GET1: variants seen among roughly 807,000 people sequenced by gnomAD.
GET1 encodes congenital heart disease 5 protein.
Under a neutral mutation model 22.6 loss-of-function variants are expected in GET1, and 20 were observed. That is an observed-to-expected ratio of 0.89 (90% CI 0.62 to 1.29). The LOEUF (loss-of-function observed/expected upper bound fraction) is 1.29, where lower values mean the gene tolerates loss of function less well. GET1 is among the 50% of genes most tolerant of loss of function. The pLI is 0.00. For synonymous variants in GET1, 92 were observed against 83.8 expected (o/e 1.10, Z -0.53); for missense variants, 209 against 219.9 (o/e 0.95, Z 0.31).
intron 1 of GET1, chr21:39,422,975 C>T: frequency 6.2e-7 from 1 of 1,612,654 alleles, no homozygotes; most frequent in Non-Finnish European, 8.5e-7. Context: ...GAAATACAGA[C>T]CTGTATTTTT....
At chr21:39,391,445 TG>T in intron 2 of GET1, 1 of 332,340 alleles carries the variant, frequency 3.0e-6, no homozygotes, top group South Asian at 2.6e-5. Flanking sequence ...CTGTGCACAC[TG>T]GGAAATAAGG....
chr21:39,415,829 A>G (rs1165009730), intron 1 of GET1, among the ~76,000 whole-genome samples: 1 of 152,180 alleles, frequency 6.6e-6, no homozygotes, highest in Non-Finnish European at 1.5e-5. Flanking sequence ...AGTTTCCCAC[A>G]GTCTCATGCT....
downstream of GET1, chr21:39,409,876 G>T: frequency 1.5e-6 from 1 of 669,476 alleles, no homozygotes; most frequent in Non-Finnish European, 2.5e-6. This position sits in a 1 kb window ranked among gnomAD's most constrained non-coding sequence, Gnocchi z 4.2. Flanking sequence ...TTACAGGTGC[G>T]AGCTGCCATG....
At chr21:39,423,371 G>A in intron 1 of GET1, 1 of 1,612,208 alleles carries the variant, frequency 6.2e-7, no homozygotes, top group Non-Finnish European at 8.5e-7. Context: ...ATTTTATGAA[G>A]CCTTGCTGAG....
In GET1 at chr21:39,389,062, G is replaced by GCCTT. The variant is rs533956805; in HGVS notation, c.103-1620_103-1617dup. 3.7e-4 allele frequency among the ~76,000 whole-genome samples: 57 copies of GCCTT among 152,056 alleles called. 1 individual carries two copies. The highest frequency in any genetic ancestry group is 2.5e-3 in the South Asian group (12 of 4,804). Reference sequence around the variant, plus strand: ...TTCTCTCCGAGACGCCTGCCTGCCTGCCTTCCTTCCTTCCTTCCTCCCTCC... The same window carrying GCCTT: ...TTCTCTCCGAGACGCCTGCCTGCCTGCCTTCCTTCCTTCCTTCCTTCCTCCCTCC... On this transcript the variant is annotated intron_variant, in intron 1 of 4. Transcript: ENST00000649170.
At chr21:39,414,746 G>C (rs867863718) in intron 1 of GET1, among the ~76,000 whole-genome samples, 5,919 of 135,214 alleles carry the variant, frequency 0.044, 110 homozygotes, top group African/African-American at 0.06. Context: ...CTCTCTCTGT[G>C]TGTGTGTGTG....
downstream of GET1, among the ~76,000 whole-genome samples, chr21:39,407,246 G>C (rs113222094): frequency 2.0e-5 from 3 of 152,062 alleles, no homozygotes; most frequent in Admixed American, 2.0e-4. Context: ...AAACAAAACA[G>C]AACAGAAGAA....
At chr21:39,417,463 C>T (rs2041418744) in intron 1 of GET1, among the ~76,000 whole-genome samples, 1 of 152,150 alleles carries the variant, frequency 6.6e-6, no homozygotes, top group Non-Finnish European at 1.5e-5. Context: ...CTCTCTTTTT[C>T]TGCTGTTATC....
downstream of GET1, chr21:39,408,764 G>GCCAGATGCCATGGATCTGAGGGTTTT (rs1230831104): frequency 6.6e-6 from 1 of 152,268 alleles, no homozygotes; most frequent in East Asian, 1.9e-4. Context: ...GAAGAGCTCT[G>GCCAGATGCCATGGATCTGAGGGTTTT]CCAGATGCCA....
intron 1 of GET1, among the ~76,000 whole-genome samples, chr21:39,385,877 C>T (rs943689158): frequency 9.9e-5 from 15 of 151,952 alleles, no homozygotes; most frequent in Middle Eastern, 3.4e-3. Context: ...CCAGGACTGG[C>T]GCGGGCTCAG....
At chr21:39,383,167 G>C (rs943750720) in intron 1 of GET1, among the ~76,000 whole-genome samples, 1 of 151,896 alleles carries the variant, frequency 6.6e-6, no homozygotes, top group Non-Finnish European at 1.5e-5. Flanking sequence ...AATTAGCCAG[G>C]ATGGTCTCGA....
chr21:39,419,523 C>CAAAAAAAA (rs5843964), intron 1 of GET1, among the ~76,000 whole-genome samples: 1 of 123,542 alleles, frequency 8.1e-6, no homozygotes, highest in Non-Finnish European at 1.6e-5. Flanking sequence ...AGACCCTGTT[C>CAAAAAAAA]AAAAAAAAAA....
chr21:39,403,188 A>G (rs531422451), intron 4 of GET1, among the ~76,000 whole-genome samples: 104 of 152,266 alleles, frequency 6.8e-4, no homozygotes, highest in African/African-American at 2.5e-3. Flanking sequence ...ATTTCCCCTT[A>G]TGAGCCTGTG....
At chr21:39,426,836 G>C (rs2074794957) in intron 1 of GET1, among the ~76,000 whole-genome samples, 1 of 152,170 alleles carries the variant, frequency 6.6e-6, no homozygotes. Flanking sequence ...TTCCTGCCCT[G>C]GGCCTTGCCA....
At chr21:39,385,268 A>G (rs2037809375) in intron 1 of GET1, among the ~76,000 whole-genome samples, 1 of 152,130 alleles carries the variant, frequency 6.6e-6, no homozygotes, top group Admixed American at 6.6e-5. Context: ...CCCCGATCTC[A>G]GCACTCAGTC....
At chr21:39,421,346 C>G (rs997565720) in intron 1 of GET1, among the ~76,000 whole-genome samples, 1 of 152,090 alleles carries the variant, frequency 6.6e-6, no homozygotes, top group Non-Finnish European at 1.5e-5. Flanking sequence ...CCTCGGCCTC[C>G]CAAAGTGCTG....
chr21:39,396,792 A>T, intron 4 of GET1, 74 bp from the exon 5 acceptor site: 1 of 1,305,654 alleles, frequency 7.7e-7, no homozygotes, highest in Middle Eastern at 1.9e-4. Context: ...CTTTGCTGTG[A>T]GTTAAAGACA....
chr21:39,391,555 A>G (rs911582161), intron 2 of GET1: 1 of 522,548 alleles, frequency 1.9e-6, no homozygotes. Flanking sequence ...AAGCTATTCA[A>G]ATCTCAATCT....
At chr21:39,390,565 C>A in intron 1 of GET1, 133 bp from the exon 2 acceptor site, 1 of 1,192,894 alleles carries the variant, frequency 8.4e-7, no homozygotes, top group Non-Finnish European at 1.1e-6. Context: ...AGTTTGCATT[C>A]AGTCCTGCAG....
Sources: allele counts gnomAD v4.1 joint callset (sites outside exome capture counted in the v4.1 genomes callset), GRCh38; gene constraint gnomAD v4.1.1; non-coding constraint Gnocchi (gnomAD v3.1); transcripts MANE v1.5; gene names NCBI Gene and HGNC (gene_info 2026-07-23, HGNC 2026-07-21).